Variants in ADGRB3 observed in about 807,000 individuals in gnomAD.
ADGRB3 encodes brain-specific angiogenesis inhibitor 3.
ADGRB3 carries 37 observed loss-of-function variants against 193.4 expected under a neutral mutation model. That is an observed-to-expected ratio of 0.19 (90% CI 0.15 to 0.25). ADGRB3 has a LOEUF of 0.25. Ranked by LOEUF, ADGRB3 falls within the 10% of genes least tolerant of loss-of-function variation. The pLI, the probability that ADGRB3 is intolerant of heterozygous loss-of-function variation, is 1.00. For synonymous variants in ADGRB3, 690 were observed against 644.2 expected, an observed-to-expected ratio of 1.07 and a Z score of -1.08; for missense variants, 1,637 against 1,852.9, an observed-to-expected ratio of 0.88 and a Z score of 2.14.
chr6:69,385,718 A>G (rs1362791891), intron 31 of ADGRB3, among the ~76,000 whole-genome samples: 1 of 152,086 alleles, frequency 6.6e-6, no homozygotes, highest in East Asian at 1.9e-4. Context: ...TTTTATCATA[A>G]GATTCACACC....
chr6:68,979,555 A>C (rs1445585518), intron 10 of ADGRB3, among the ~76,000 whole-genome samples: 1 of 151,596 alleles, frequency 6.6e-6, no homozygotes, highest in Non-Finnish European at 1.5e-5. Context: ...ATGAGAACAA[A>C]GTGCTAAACG....
intron 3 of ADGRB3, among the ~76,000 whole-genome samples, chr6:68,873,820 A>G (rs1249098737): frequency 1.3e-5 from 2 of 152,018 alleles, no homozygotes; most frequent in Non-Finnish European, 2.9e-5. Flanking sequence ...GTTTGTATTA[A>G]ATATTTAAAA....
chr6:68,725,097 C>A (rs985433119), intron 3 of ADGRB3, among the ~76,000 whole-genome samples: 1 of 151,480 alleles, frequency 6.6e-6, no homozygotes, highest in East Asian at 1.9e-4. Context: ...ATAGTCTAGG[C>A]GGAAGAGATG....
chr6:68,889,106 T>C (rs920176569), intron 3 of ADGRB3, among the ~76,000 whole-genome samples: 1 of 152,186 alleles, frequency 6.6e-6, no homozygotes, highest in Admixed American at 6.5e-5. Flanking sequence ...TCAATCAAGA[T>C]AGGTAGAATA....
At chr6:69,308,711 GATCATTAGGAACTA>G (rs1305666533) in intron 20 of ADGRB3, among the ~76,000 whole-genome samples, 2 of 151,584 alleles carry the variant, frequency 1.3e-5, no homozygotes, top group African/African-American at 4.8e-5. Context: ...GGTAGCTCCT[GATCATTAGGAACTA>G]ATTTCCTTCT....
Position 69,234,953 on chromosome 6 carries a change from G to T in ADGRB3, c.2608-79G>T, listed in dbSNP as rs1266645310. ...TATATAGGCTATTTTTGAGTGATAG[G>T]TTAGCTTTGCTGAGTCTAGAAGTTA... On this transcript the variant is annotated intron_variant, in intron 18 of 31. Coordinates refer to ENST00000370598, the MANE Select transcript of ADGRB3 (RefSeq NM_001704.3). 2.7e-6 allele frequency: 3 copies of T among 1,124,796 alleles called. No homozygotes were observed. The African/African-American group carries it at 4.7e-5, about 18-fold the overall frequency. The allele number at this position is 1,124,796 out of a possible 1,614,324, so 69.7% of individuals were successfully genotyped here. A position where few individuals can be genotyped will look rare whatever the true frequency, so the allele number is the denominator to read the frequency against.
intron 3 of ADGRB3, among the ~76,000 whole-genome samples, chr6:68,711,038 A>G (rs1425255542): frequency 6.6e-6 from 1 of 152,082 alleles, no homozygotes; most frequent in Non-Finnish European, 1.5e-5. Context: ...TCTACTGTGA[A>G]ATTAACCCCA....
chr6:69,385,245 A>G (rs949483430), intron 31 of ADGRB3, among the ~76,000 whole-genome samples: 1 of 152,068 alleles, frequency 6.6e-6, no homozygotes, highest in Non-Finnish European at 1.5e-5. Flanking sequence ...AAAAATAAGC[A>G]TACTCTTTTT....
intron 17 of ADGRB3, among the ~76,000 whole-genome samples, chr6:69,162,774 ATTACTT>A (rs1426319951): frequency 6.6e-6 from 1 of 152,100 alleles, no homozygotes. Context: ...AGACTCAGAC[ATTACTT>A]TAATGGAATC....
chr6:69,377,276 G>A (rs1229026499), intron 30 of ADGRB3, among the ~76,000 whole-genome samples: 3 of 152,008 alleles, frequency 2.0e-5, no homozygotes, highest in African/African-American at 7.2e-5. Flanking sequence ...TAAGAACATT[G>A]AAAGGCCTCA....
At chr6:69,095,478 ATATT>A in intron 17 of ADGRB3, among the ~76,000 whole-genome samples, 1 of 152,300 alleles carries the variant, frequency 6.6e-6, no homozygotes, top group East Asian at 1.9e-4. Flanking sequence ...CACACCCAAC[ATATT>A]TAGTTAGTGA....
intron 20 of ADGRB3, among the ~76,000 whole-genome samples, chr6:69,324,127 A>T (rs1179505145): frequency 6.6e-6 from 1 of 152,122 alleles, no homozygotes; most frequent in East Asian, 1.9e-4. Context: ...TCTTTTGCTG[A>T]TGAGTCACAA....
intron 20 of ADGRB3, among the ~76,000 whole-genome samples, chr6:69,320,120 A>G (rs1255601756): frequency 2.0e-5 from 3 of 151,404 alleles, no homozygotes; most frequent in Non-Finnish European, 1.5e-5. Context: ...GTATTTTTCT[A>G]TAATCTAGAA....
chr6:69,097,508 C>A (rs1422196188), intron 17 of ADGRB3, among the ~76,000 whole-genome samples: 4 of 152,252 alleles, frequency 2.6e-5, no homozygotes, highest in African/African-American at 9.6e-5. Context: ...GTGCTTGAGA[C>A]AATTTGTCTC....
chr6:68,848,257 C>A (rs1679005078), intron 3 of ADGRB3, among the ~76,000 whole-genome samples: 1 of 151,994 alleles, frequency 6.6e-6, no homozygotes, highest in African/African-American at 2.4e-5. Flanking sequence ...GTCCAATGAT[C>A]TATTAATTTT....
intron 12 of ADGRB3, among the ~76,000 whole-genome samples, chr6:69,016,409 A>T (rs1763336278): frequency 6.6e-6 from 1 of 151,954 alleles, no homozygotes; most frequent in Non-Finnish European, 1.5e-5. Context: ...ACATAGCCAA[A>T]CAGTGTCCTC....
chr6:69,332,799 A>G, intron 23 of ADGRB3, 124 bp from the exon 24 acceptor site: 1 of 1,445,216 alleles, frequency 6.9e-7, no homozygotes, highest in Non-Finnish European at 9.1e-7. Flanking sequence ...AATGTTTGAG[A>G]GTGCTTCATA....
At chr6:68,892,365 C>A (rs1194310089) in intron 3 of ADGRB3, among the ~76,000 whole-genome samples, 2 of 152,152 alleles carry the variant, frequency 1.3e-5, no homozygotes, top group Admixed American at 6.6e-5. Flanking sequence ...ACAGGCTGAA[C>A]CTTTTCCTGG....
rs146645570 is a variant in ADGRB3 at position 69,204,236 on chromosome 6, C to A, written c.2481-29054C>A. On this transcript the variant is annotated intron_variant, in intron 17 of 31. Coordinates refer to ENST00000370598, the MANE Select transcript of ADGRB3 (RefSeq NM_001704.3). ...AGTCCTCAAAATGTTTTTCTCTTTC[C>A]ATGAAGCAAAGTGTTTCCTTTGGAC... Among the ~76,000 whole-genome samples, 283 of 152,214 alleles carry A rather than the reference C, an allele frequency of 1.9e-3. 1 individual carries two copies. The highest frequency in any genetic ancestry group is 3.4e-3 in the Middle Eastern group (1 of 294).
Sources: gnomAD v4.1 joint callset for allele counts (sites outside exome capture counted in the v4.1 genomes callset) on GRCh38, gnomAD v4.1.1 for gene constraint, MANE v1.5 for transcripts, NCBI Gene and HGNC (gene_info 2026-07-23, HGNC 2026-07-21) for gene names.